Variants in ANXA11 observed in about 807,000 individuals in gnomAD.
The protein encoded by ANXA11 is 56 kDa autoantigen.
In ANXA11, 57 loss-of-function variants were observed where a neutral mutation model predicts 64.7. The ratio of observed to expected loss-of-function variants is 0.88; its 90% CI spans 0.71 to 1.10. The LOEUF is 1.10. ANXA11 is among the 50% of genes least tolerant of loss of function. The pLI is 0.00. For synonymous variants in ANXA11, 260 were observed against 265.2 expected (o/e 0.98, Z 0.19); for missense variants, 675 against 670.7 (o/e 1.01, Z -0.07).
chr10:80,161,883 C>T, intron 12 of ANXA11, 52 bp downstream of exon 12: 2 of 1,472,772 alleles, frequency 1.4e-6, no homozygotes, highest in South Asian at 2.3e-5. Context: ...TCCCCACAAT[C>T]CCCTGACTGC....
chr10:80,184,966 A>G (rs1012176663), intron 1 of ANXA11, among the ~76,000 whole-genome samples: 2 of 152,138 alleles, frequency 1.3e-5, no homozygotes, highest in Non-Finnish European at 2.9e-5. Context: ...CAGTTAGTCA[A>G]TTTTCTCCTT....
intron 1 of ANXA11, among the ~76,000 whole-genome samples, chr10:80,183,505 G>A (rs768168650): frequency 1.3e-4 from 20 of 152,374 alleles, no homozygotes; most frequent in Non-Finnish European, 2.5e-4. Context: ...AACTTCCTCA[G>A]CTTTGCAGCT....
At chr10:80,174,730 G>A (rs1209567253) in intron 2 of ANXA11, among the ~76,000 whole-genome samples, 1 of 152,012 alleles carries the variant, frequency 6.6e-6, no homozygotes, top group African/African-American at 2.4e-5. Flanking sequence ...GCTAATTTTT[G>A]TATTTTTAGT....
In ANXA11 at chr10:80,155,909, C is replaced by A; in HGVS notation, c.1462G>T (p.Asp488Tyr). 2 of 1,614,110 alleles carry A rather than the reference C, an allele frequency of 1.2e-6. No homozygotes were observed. The highest frequency in any genetic ancestry group is 1.7e-6 in the Non-Finnish European group (2 of 1,179,942). ...ATCTTCCGGTAATCCCCTGAAGTAT[C>A]TCCCTGGCCACAGAAACAAGGAAGA... is the stretch of plus-strand genomic sequence containing the variant. ...GKSLYHDISGDTSGDYRKILL... is the reference protein window; with the variant it reads ...GKSLYHDISGYTSGDYRKILL... The change falls in exon 16 of 16, where the codon GAT (aspartate) becomes TAT (tyrosine). Residue 488 changes from aspartate to tyrosine, a missense_variant. Transcript: ENST00000422982.
intron 13 of ANXA11, among the ~76,000 whole-genome samples, chr10:80,158,709 G>T (rs1845379388): frequency 6.6e-6 from 1 of 152,194 alleles, no homozygotes; most frequent in Admixed American, 6.5e-5. Context: ...TTTCGCTGCT[G>T]CAAGTAAAAA....
intron 1 of ANXA11, among the ~76,000 whole-genome samples, chr10:80,187,848 G>A (rs1846607291): frequency 6.6e-6 from 1 of 152,076 alleles, no homozygotes; most frequent in Non-Finnish European, 1.5e-5. Flanking sequence ...TAGCTGTCAG[G>A]TCACTCCAGT....
intron 3 of ANXA11, chr10:80,172,011 C>T: frequency 2.6e-6 from 2 of 778,546 alleles, no homozygotes; most frequent in Non-Finnish European, 3.1e-6. Context: ...AAATGGCCTG[C>T]AGGTCTGGGG....
rs764070230 is a variant in ANXA11, at chr10:80,163,437, C to T, written c.1030-32G>A. On this transcript the variant is annotated intron_variant, in intron 10 of 15. Coordinates refer to ENST00000422982, the MANE Select transcript of ANXA11 (RefSeq NM_145868.2). Reference sequence around the variant, plus strand: ...GGAAGCAGGTGTATGGTCATGCCCACTCCTTCCCCATTTATTTTCCCTTTC... The same window carrying T: ...GGAAGCAGGTGTATGGTCATGCCCATTCCTTCCCCATTTATTTTCCCTTTC... 2.5e-6 allele frequency: 4 copies of T among 1,613,896 alleles called. No individual in the cohort carries two copies. The South Asian group carries it at 4.4e-5, about 18-fold the overall frequency.
intron 1 of ANXA11, among the ~76,000 whole-genome samples, chr10:80,190,945 G>A (rs1322286167): frequency 6.6e-6 from 1 of 151,716 alleles, no homozygotes; most frequent in African/African-American, 2.4e-5. Flanking sequence ...ACAAAAATTG[G>A]CCAGGCACAG....
intron 1 of ANXA11, among the ~76,000 whole-genome samples, chr10:80,190,640 C>T (rs1430054543): frequency 3.3e-5 from 5 of 151,390 alleles, no homozygotes; most frequent in African/African-American, 2.4e-5. Context: ...CGCCCGCCAC[C>T]GCGCCCAGCT....
chr10:80,181,454 C>A (rs1347245305), intron 1 of ANXA11: 1 of 151,496 alleles, frequency 6.6e-6, no homozygotes, highest in African/African-American at 2.4e-5. Flanking sequence ...GGAAGTGAAA[C>A]CCTGTCTCAA....
At chr10:80,170,736 C>A (rs770136506) in intron 4 of ANXA11, 64 bp downstream of exon 4, 2 of 1,316,102 alleles carry the variant, frequency 1.5e-6, no homozygotes. Context: ...AGGCCAGCAG[C>A]TTTGATTCCT....
At chr10:80,202,938 C>T (rs1357700760) in intron 1 of ANXA11, among the ~76,000 whole-genome samples, 1 of 149,956 alleles carries the variant, frequency 6.7e-6, no homozygotes, top group African/African-American at 2.5e-5. Flanking sequence ...CCCAGCTACT[C>T]GGGAGGCCAA....
Position 80,166,100 on chromosome 10 carries a change from A to G in ANXA11, c.842T>C (p.Ile281Thr), listed in dbSNP as rs139232844. The G allele has an allele frequency of 5.2e-5, 83 of 1,602,588 alleles. No individual in the cohort carries two copies. In the African/African-American group the frequency reaches 1.0e-3, roughly 20 times the overall value. ...CGTACACACCTTGATGGCTTCCTTT[A>G]TCTCATAAATGTCAAAGAGGACTGG... The part of the protein sequence containing the change: ...KTPVLFDIYE[I>T]KEAIKGVGTD... Residue 281 changes from isoleucine (I) to threonine (T), a missense_variant, in exon 8 of 16, where the codon ATA becomes ACA. By Grantham distance (89) the Ile-to-Thr change is moderately conservative (BLOSUM62 -1). Transcript: ENST00000422982.
intron 8 of ANXA11, among the ~76,000 whole-genome samples, chr10:80,165,083 A>G (rs1306812332): frequency 6.6e-6 from 1 of 152,146 alleles, no homozygotes; most frequent in Admixed American, 6.5e-5. Flanking sequence ...CCGGCTGAAG[A>G]CGGGGGCCAG....
At chr10:80,161,175 C>G (rs1845487968) in intron 12 of ANXA11, among the ~76,000 whole-genome samples, 1 of 152,184 alleles carries the variant, frequency 6.6e-6, no homozygotes, top group Non-Finnish European at 1.5e-5. Context: ...TCAGCAGGGC[C>G]CTCTCCCCTC....
Position 80,202,204 on chromosome 10 carries a change from A to AGG in ANXA11, c.-58+3138_-58+3139insCC, listed in dbSNP as rs143388172. On this transcript the variant is annotated intron_variant, in intron 1 of 15. Transcript: ENST00000422982. ...ATCCAGAACTGTTCTGTGGGGGGGA[A>AGG]GCGGGGGGTCTCTGTGTGGCTGGGT... 1.8e-3 allele frequency among the ~76,000 whole-genome samples: 166 copies of AGG among 91,642 alleles called. 2 individuals are homozygous for AGG. Among genetic ancestry groups the AGG allele is most frequent in the African/African-American group, 5.0e-3 (148 of 29,474 alleles). 60.1% of individuals were successfully genotyped at this position (91,642 alleles called of 152,430 possible). A position where few individuals can be genotyped will look rare whatever the true frequency, so the allele number is the denominator to read the frequency against.
At chr10:80,157,791 G>C in intron 14 of ANXA11, 28 bp from the exon 15 acceptor site, 5 of 1,605,032 alleles carry the variant, frequency 3.1e-6, no homozygotes, top group Non-Finnish European at 4.3e-6. Flanking sequence ...AAGAGCATGA[G>C]CACCAGGCCT....
In ANXA11 at chr10:80,153,720, C is replaced by T. The variant is rs921424793; in HGVS notation, c.*2133G>A. ...CTTGGGCTTGAGGCATGGACTCTGA[C>T]GCAGAGCTGACGTGTTGACCAGGAC... On this transcript the variant is annotated 3_prime_UTR_variant, in exon 16 of 16. Coordinates refer to ENST00000422982, the MANE Select transcript of ANXA11 (RefSeq NM_145868.2). The T allele has an allele frequency of 1.3e-5, 2 of 152,370 alleles. No individual in the cohort carries two copies. Among genetic ancestry groups the T allele is most frequent in the African/African-American group, 2.4e-5 (1 of 41,470 alleles). 9.4% of individuals were successfully genotyped at this position (152,370 alleles called of 1,614,324 possible).
Sources: allele counts gnomAD v4.1 joint callset (sites outside exome capture counted in the v4.1 genomes callset), GRCh38; gene constraint gnomAD v4.1.1; transcripts MANE v1.5; gene names NCBI Gene and HGNC (gene_info 2026-07-23, HGNC 2026-07-21).